Variants in PREX2 observed in about 807,000 individuals in gnomAD.
PREX2 encodes the protein phosphatidylinositol 3,4,5-trisphosphate-dependent Rac exchanger 2 protein.
A neutral mutation model predicts 203.2 loss-of-function variants in PREX2; 107 were observed. That is an observed-to-expected ratio of 0.53 (90% confidence interval 0.45 to 0.62). The LOEUF is 0.62. Ranked by LOEUF, PREX2 falls within the 20% of genes least tolerant of loss-of-function variation. PREX2 has a pLI of 0.00. For missense variants in PREX2, 1,777 were observed against 1,955.9 expected, an observed-to-expected ratio of 0.91 and a Z score of 1.72; for synonymous variants, 672 against 663.6, an observed-to-expected ratio of 1.01 and a Z score of -0.19.
chr8:68,148,757 G>T (rs1369187059), intron 34 of PREX2, among the ~76,000 whole-genome samples: 1 of 152,236 alleles, frequency 6.6e-6, no homozygotes, highest in Non-Finnish European at 1.5e-5. Context: ...TACTTCTACA[G>T]TTGAGGTCAC....
chr8:68,144,686 A>G (rs1811291905), intron 33 of PREX2, among the ~76,000 whole-genome samples: 1 of 151,994 alleles, frequency 6.6e-6, no homozygotes, highest in South Asian at 2.1e-4. Context: ...AGGAGTGGTA[A>G]TGGGCTGGGT....
At chr8:68,044,940 A>T (rs1808307131) in intron 8 of PREX2, among the ~76,000 whole-genome samples, 1 of 152,090 alleles carries the variant, frequency 6.6e-6, no homozygotes, top group African/African-American at 2.4e-5. Flanking sequence ...CATATCAGTG[A>T]TGTTTTGTTC....
At chr8:68,204,225 C>T (rs1345729544) in intron 37 of PREX2, among the ~76,000 whole-genome samples, 1 of 152,094 alleles carries the variant, frequency 6.6e-6, no homozygotes, top group Non-Finnish European at 1.5e-5. Flanking sequence ...TGCTCATTAC[C>T]CAACCCCAGA....
At chr8:68,049,140 A>C (rs1468766355) in intron 8 of PREX2, among the ~76,000 whole-genome samples, 3 of 138,750 alleles carry the variant, frequency 2.2e-5, no homozygotes, top group South Asian at 2.2e-4. Context: ...TTTTTTTGCC[A>C]AAAATAATAT....
chr8:68,217,323 T>C (rs1170924250), intron 37 of PREX2, among the ~76,000 whole-genome samples: 1 of 152,206 alleles, frequency 6.6e-6, no homozygotes, highest in Non-Finnish European at 1.5e-5. Flanking sequence ...AAGAATAATA[T>C]TTAGTAATAA....
chr8:68,059,288 G>A (rs905200539), intron 10 of PREX2, among the ~76,000 whole-genome samples: 2 of 105,572 alleles, frequency 1.9e-5, no homozygotes, highest in African/African-American at 1.2e-4. Context: ...ATGATACCAC[G>A]TGACCTTTTT....
chr8:68,163,695 C>T (rs1381386274), intron 35 of PREX2, among the ~76,000 whole-genome samples: 1 of 152,122 alleles, frequency 6.6e-6, no homozygotes, highest in Non-Finnish European at 1.5e-5. Context: ...GCACTGAATC[C>T]TGGATTCTCC....
chr8:68,022,354 A>G (rs776439566), intron 4 of PREX2, among the ~76,000 whole-genome samples: 1 of 152,080 alleles, frequency 6.6e-6, no homozygotes, highest in African/African-American at 2.4e-5. Flanking sequence ...GTGGTTGATT[A>G]TGAATTATCT....
intron 37 of PREX2, among the ~76,000 whole-genome samples, chr8:68,216,112 T>C (rs1812833346): frequency 6.6e-6 from 1 of 152,254 alleles, no homozygotes; most frequent in Admixed American, 6.5e-5. Flanking sequence ...TGCAGTTATA[T>C]GTAATCACAC....
chr8:68,033,469 A>G (rs1384736548), intron 6 of PREX2, among the ~76,000 whole-genome samples: 1 of 152,102 alleles, frequency 6.6e-6, no homozygotes, highest in African/African-American at 2.4e-5. Context: ...TACTGAAGGT[A>G]GTATAGTACT....
rs1023090179 is a variant in PREX2, at chr8:68,083,478, G to A, written c.2027+90G>A. 2.5e-5 allele frequency: 25 copies of A among 988,386 alleles called. No homozygotes were observed. In the African/African-American group the frequency reaches 3.9e-4, roughly 15 times the overall value. 61.2% of individuals were successfully genotyped at this position (988,386 alleles called of 1,614,324 possible). The stretch of plus-strand genomic sequence containing the variant: ...TAACTAAGTAAATGCTTAGAATTAA[G>A]CATCTCATTGCTTGGAACGCTTGAA... On this transcript the variant is annotated intron_variant, in intron 18 of 39. Transcript: ENST00000288368.
At position 68,069,075 on chromosome 8, in the gene PREX2, G is replaced by A; in HGVS notation, c.1382G>A (p.Arg461Lys). Reference protein sequence around the residue: ...HQFKPEQMLYRFRYDDGTFYP... With the variant: ...HQFKPEQMLYKFRYDDGTFYP... Reference sequence around the variant, plus strand: ...TTCAAACCAGAACAGATGTTATATAGATTTCGCTATGATGATGGAACATTT... The same window carrying A: ...TTCAAACCAGAACAGATGTTATATAAATTTCGCTATGATGATGGAACATTT... Residue 461 changes from arginine (R) to lysine (K), a missense_variant, in exon 12 of 40, where the codon AGA (arginine) becomes AAA (lysine). Coordinates refer to ENST00000288368, the MANE Select transcript of PREX2 (RefSeq NM_024870.4). 2 of 1,568,652 alleles carry A rather than the reference G, an allele frequency of 1.3e-6. No individual in the cohort carries two copies. Among genetic ancestry groups the A allele is most frequent in the Non-Finnish European group, 1.7e-6 (2 of 1,159,920 alleles).
intron 1 of PREX2, among the ~76,000 whole-genome samples, chr8:67,984,434 A>C (rs922981054): frequency 6.6e-6 from 1 of 152,242 alleles, no homozygotes; most frequent in Non-Finnish European, 1.5e-5. Context: ...TGAAATCCAG[A>C]GTATGTTATC....
In PREX2 at chr8:68,053,188, A is replaced by T. The variant is rs549108138; in HGVS notation, c.1035A>T (p.Thr345=). The T allele has an allele frequency of 1.2e-4, 188 of 1,613,844 alleles. 2 individuals carry two copies. In the South Asian group the frequency reaches 2.0e-3, roughly 17 times the overall value. Residue 345 remains threonine (T), a synonymous_variant, in exon 9 of 40, where the codon ACA becomes ACT. Coordinates refer to ENST00000288368, the MANE Select transcript of PREX2 (RefSeq NM_024870.4). Reference sequence around the variant, plus strand: ...AATGGTTTGTTTGTATGGCAAAAACACCTGAAGAGAAGCATGAATGGTTTG... The same window carrying T: ...AATGGTTTGTTTGTATGGCAAAAACTCCTGAAGAGAAGCATGAATGGTTTG... The part of the protein sequence containing the change: ...KNKWFVCMAK[T]PEEKHEWFEA...
In PREX2 at chr8:68,099,780, A is replaced by T. The variant is rs761094069; in HGVS notation, c.2652A>T (p.Lys884Asn). ...TGATTCCTACTGACCTTCAGAGTAA[A>T]TTCAGTGCCCTTTGCAGTGAAAGAA... ...NEVIPTDLQS[K>N]FSALCSERIE... Residue 884 changes from lysine (K) to asparagine (N), a missense_variant, in exon 23 of 40, where the codon AAA becomes AAT. Coordinates refer to ENST00000288368, the MANE Select transcript of PREX2 (RefSeq NM_024870.4). The T allele has an allele frequency of 1.2e-6, 2 of 1,613,256 alleles. No homozygotes were observed. The highest frequency in any genetic ancestry group is 3.3e-5 in the Admixed American group (2 of 59,998).
intron 11 of PREX2, among the ~76,000 whole-genome samples, chr8:68,061,994 G>A (rs188996327): frequency 1.6e-4 from 24 of 152,182 alleles, no homozygotes; most frequent in Admixed American, 1.4e-3. Context: ...GTTTGGCTAT[G>A]GTATTTTGAT....
At chr8:68,223,845 A>T (rs1423542973) in intron 38 of PREX2, among the ~76,000 whole-genome samples, 2 of 152,146 alleles carry the variant, frequency 1.3e-5, no homozygotes, top group Admixed American at 6.6e-5. Context: ...TAGTTAAGAA[A>T]ATATTTTTTT....
In PREX2 at chr8:67,952,726, C is replaced by T. The variant is rs191114082; in HGVS notation, c.141+191C>T. ...TGACCCCCGCGGGGATTTGTTGGTG[C>T]CCCGAGACTCACTGAGTTGCGGGGG... On this transcript the variant is annotated intron_variant, in intron 1 of 39. Transcript: ENST00000288368. 3.5e-5 allele frequency: 26 copies of T among 743,906 alleles called. No homozygotes were observed. In the Admixed American group the frequency reaches 4.7e-4, roughly 13 times the overall value. The allele number at this position is 743,906 out of a possible 1,614,324, so 46.1% of individuals were successfully genotyped here.
chr8:68,007,744 G>A (rs1012744549), intron 1 of PREX2, among the ~76,000 whole-genome samples: 4 of 152,060 alleles, frequency 2.6e-5, no homozygotes, highest in Admixed American at 2.6e-4. Flanking sequence ...TGAGTAGCTG[G>A]GACTACAGGT....
Sources: allele counts gnomAD v4.1 joint callset (sites outside exome capture counted in the v4.1 genomes callset), GRCh38; gene constraint gnomAD v4.1.1; transcripts MANE v1.5; gene names NCBI Gene and HGNC (gene_info 2026-07-23, HGNC 2026-07-21).